Variants in PAPPA observed in about 807,000 individuals in gnomAD.
PAPPA encodes the protein pappalysin-1.
PAPPA carries 60 observed loss-of-function variants against 164.0 expected under a neutral mutation model. That is an observed-to-expected ratio of 0.37 (90% CI 0.30 to 0.45). PAPPA has a LOEUF of 0.45. Ranked by LOEUF, PAPPA falls within the 20% of genes least tolerant of loss-of-function variation. PAPPA has a pLI of 1.00. For synonymous variants in PAPPA, 875 were observed against 814.1 expected (o/e 1.07, Z -1.27); for missense variants, 1,782 against 2,087.3 (o/e 0.85, Z 2.85).
intron 21 of PAPPA, among the ~76,000 whole-genome samples, chr9:116,390,464 C>A (rs1846875307): frequency 6.6e-6 from 1 of 152,040 alleles, no homozygotes; most frequent in Admixed American, 6.5e-5. Flanking sequence ...GCTTTTATCA[C>A]CCAAGCCAGG....
intron 1 of PAPPA, among the ~76,000 whole-genome samples, chr9:116,156,469 A>C (rs1340955907): frequency 6.6e-6 from 1 of 151,538 alleles, no homozygotes; most frequent in East Asian, 1.9e-4. Context: ...CTCTCACACA[A>C]AGATTGTTGC....
At chr9:116,227,130 ATAAAAT>A (rs1251736813) in intron 5 of PAPPA, among the ~76,000 whole-genome samples, 1 of 152,232 alleles carries the variant, frequency 6.6e-6, no homozygotes, top group Non-Finnish European at 1.5e-5. Flanking sequence ...TATATGCCTG[ATAAAAT>A]TAAAATTATT....
intron 1 of PAPPA, among the ~76,000 whole-genome samples, chr9:116,186,357 A>G (rs988689957): frequency 6.6e-6 from 1 of 152,064 alleles, no homozygotes; most frequent in African/African-American, 2.4e-5. Flanking sequence ...GGAACTGTCA[A>G]TGACTCTGTG....
At chr9:116,226,976 A>G (rs1281884722) in intron 5 of PAPPA, among the ~76,000 whole-genome samples, 1 of 152,238 alleles carries the variant, frequency 6.6e-6, no homozygotes, top group Non-Finnish European at 1.5e-5. Flanking sequence ...GAACCATGCC[A>G]TCTTCATATT....
intron 20 of PAPPA, among the ~76,000 whole-genome samples, chr9:116,380,199 ATATC>A (rs1442008863): frequency 6.6e-6 from 1 of 152,218 alleles, no homozygotes; most frequent in Non-Finnish European, 1.5e-5. Context: ...GGTAGGAACT[ATATC>A]TATATTAATT....
intron 8 of PAPPA, among the ~76,000 whole-genome samples, chr9:116,268,107 G>A (rs1587979597): frequency 6.6e-6 from 1 of 152,118 alleles, no homozygotes; most frequent in Non-Finnish European, 1.5e-5. Flanking sequence ...AGATTGAAGA[G>A]ATTAGTGTAA....
intron 19 of PAPPA, among the ~76,000 whole-genome samples, chr9:116,374,154 AGTGT>A: frequency 3.4e-5 from 1 of 29,750 alleles, no homozygotes; most frequent in Non-Finnish European, 1.1e-4. Flanking sequence ...TGATGGTGGT[AGTGT>A]TGGTGGTGGT....
chr9:116,348,516 C>T (rs4838246), intron 15 of PAPPA, among the ~76,000 whole-genome samples: 151,336 of 152,214 alleles, frequency 0.99, 75,239 homozygotes, highest in Middle Eastern at 1. Flanking sequence ...TTATTTTAAG[C>T]TCAGGAGGAC....
At chr9:116,289,177 TATATGTAGC>T (rs1845389725) in intron 9 of PAPPA, among the ~76,000 whole-genome samples, 14 of 31,518 alleles carry the variant, frequency 4.4e-4, no homozygotes, top group African/African-American at 1.2e-3. Context: ...ATATATAGCA[TATATGTAGC>T]ATATATATAG....
chr9:116,383,241 G>C (rs1258798964), intron 21 of PAPPA, among the ~76,000 whole-genome samples: 2 of 152,206 alleles, frequency 1.3e-5, no homozygotes, highest in African/African-American at 2.4e-5. Context: ...GGGTTGGGAG[G>C]GAGGTGGTAA....
intron 21 of PAPPA, among the ~76,000 whole-genome samples, chr9:116,387,047 A>G (rs1486996739): frequency 6.6e-6 from 1 of 151,914 alleles, no homozygotes; most frequent in Non-Finnish European, 1.5e-5. Flanking sequence ...TCAAGAGACA[A>G]TCCCTTCCCT....
intron 7 of PAPPA, among the ~76,000 whole-genome samples, chr9:116,259,191 G>A (rs920502789): frequency 1.3e-5 from 2 of 151,610 alleles, no homozygotes; most frequent in Non-Finnish European, 2.9e-5. Context: ...GTAGGTGCTT[G>A]AAACCATATA....
intron 9 of PAPPA, among the ~76,000 whole-genome samples, chr9:116,291,748 T>C (rs1845439127): frequency 6.6e-6 from 1 of 152,060 alleles, no homozygotes; most frequent in Non-Finnish European, 1.5e-5. Flanking sequence ...AAAGATGCAC[T>C]TTGAAACATG....
intron 2 of PAPPA, among the ~76,000 whole-genome samples, chr9:116,192,651 G>A (rs964052321): frequency 1.8e-4 from 28 of 152,238 alleles, no homozygotes; most frequent in African/African-American, 6.5e-4. Flanking sequence ...GGAGCAGTCT[G>A]TGTGAGCAGT....
chr9:116,239,004 G>T (rs1040257725), intron 7 of PAPPA, among the ~76,000 whole-genome samples: 1 of 152,084 alleles, frequency 6.6e-6, no homozygotes, highest in African/African-American at 2.4e-5. Context: ...GACTGTTTTG[G>T]AGAAAAAGAG....
intron 9 of PAPPA, among the ~76,000 whole-genome samples, chr9:116,302,205 G>A (rs1024568017): frequency 6.6e-6 from 1 of 152,100 alleles, no homozygotes; most frequent in African/African-American, 2.4e-5. Flanking sequence ...GAAGGTGAAA[G>A]TGTTTGTGAA....
intron 1 of PAPPA, among the ~76,000 whole-genome samples, chr9:116,171,797 T>C (rs1292922688): frequency 6.6e-6 from 1 of 152,188 alleles, no homozygotes; most frequent in Non-Finnish European, 1.5e-5. Flanking sequence ...CTGGGCATTA[T>C]GGATATCTAG....
chr9:116,320,102 T>C (rs1012690952), intron 10 of PAPPA, among the ~76,000 whole-genome samples: 1 of 152,226 alleles, frequency 6.6e-6, no homozygotes, highest in Non-Finnish European at 1.5e-5. Context: ...AAACTTAGTT[T>C]CCCTATCTGT....
At chr9:116,250,176 A>C (rs1844844674) in intron 7 of PAPPA, among the ~76,000 whole-genome samples, 1 of 152,108 alleles carries the variant, frequency 6.6e-6, no homozygotes, top group Non-Finnish European at 1.5e-5. Flanking sequence ...CATAGAACTA[A>C]TACCTATAAC....
Sources: gnomAD v4.1 joint callset for allele counts (sites outside exome capture counted in the v4.1 genomes callset) on GRCh38, gnomAD v4.1.1 for gene constraint, MANE v1.5 for transcripts, NCBI Gene and HGNC (gene_info 2026-07-23, HGNC 2026-07-21) for gene names.